CLEC16A: variants seen among roughly 807,000 people sequenced by gnomAD.
CLEC16A encodes the protein C-type lectin domain containing 16A, also known as protein CLEC16A.
Under a neutral mutation model 109.5 loss-of-function variants are expected in CLEC16A, and 51 were observed. That is an observed-to-expected ratio of 0.47 (90% confidence interval 0.37 to 0.59). CLEC16A has a LOEUF of 0.59. Ranked by LOEUF, CLEC16A falls within the 20% of genes least tolerant of loss-of-function variation. The probability of loss-of-function intolerance (pLI) is 0.00; values close to 1 mark genes in which losing one functional copy is unlikely to be tolerated. For missense variants in CLEC16A, 1,339 were observed against 1,394.0 expected (o/e 0.96, Z 0.63); for synonymous variants, 673 against 564.2 (o/e 1.19, Z -2.73).
chr16:11,047,463 A>G (rs2047695236), intron 17 of CLEC16A, 121 bp downstream of exon 17: 2 of 534,860 alleles, frequency 3.7e-6, no homozygotes, highest in African/African-American at 2.0e-5. Flanking sequence ...GCACAGATTG[A>G]TGGGGAAGCA....
chr16:11,030,454 T>G (rs1222485887), intron 13 of CLEC16A, among the ~76,000 whole-genome samples: 1 of 152,246 alleles, frequency 6.6e-6, no homozygotes, highest in Non-Finnish European at 1.5e-5. Context: ...TTTTTAGTTT[T>G]CACCATTCTA....
At chr16:10,968,557 T>C (rs2042625713) in intron 3 of CLEC16A, among the ~76,000 whole-genome samples, 1 of 152,182 alleles carries the variant, frequency 6.6e-6, no homozygotes, top group Non-Finnish European at 1.5e-5. Context: ...TGTGACTGTC[T>C]CTGTGCACGG....
chr16:11,146,556 G>A (rs980640850), intron 22 of CLEC16A, among the ~76,000 whole-genome samples: 12 of 149,974 alleles, frequency 8.0e-5, no homozygotes, highest in African/African-American at 3.0e-4. Context: ...ATAGAAGGAT[G>A]GAGGTGGAGG....
At chr16:11,082,777 A>C (rs956609704) in intron 19 of CLEC16A, among the ~76,000 whole-genome samples, 3 of 152,178 alleles carry the variant, frequency 2.0e-5, no homozygotes, top group African/African-American at 7.2e-5. Context: ...CCCTGAATAT[A>C]AAATTTTAAA....
chr16:11,100,650 C>T (rs776596025), intron 19 of CLEC16A, among the ~76,000 whole-genome samples: 1 of 152,092 alleles, frequency 6.6e-6, no homozygotes, highest in African/African-American at 2.4e-5. Context: ...AGTTACTGAC[C>T]CTCTCAGGGT....
At chr16:10,955,802 C>G (rs777344466) in intron 1 of CLEC16A, among the ~76,000 whole-genome samples, 2 of 152,138 alleles carry the variant, frequency 1.3e-5, no homozygotes, top group Non-Finnish European at 2.9e-5. Flanking sequence ...GGCAGGGTGT[C>G]AGGCACATGG....
chr16:11,141,246 C>T (rs1029428702), intron 22 of CLEC16A, among the ~76,000 whole-genome samples: 1 of 152,244 alleles, frequency 6.6e-6, no homozygotes, highest in Non-Finnish European at 1.5e-5. Context: ...GTTCTGAGCA[C>T]CTGCCCTGTT....
At chr16:10,981,070 C>A (rs1158431373) in intron 9 of CLEC16A, among the ~76,000 whole-genome samples, 1 of 152,296 alleles carries the variant, frequency 6.6e-6, no homozygotes, top group African/African-American at 2.4e-5. Context: ...CAGTTACTCA[C>A]CCTCCCTCTT....
rs116849053 is a variant in CLEC16A at position 11,155,853 on chromosome 16, C to G, written c.2642-10535C>G. ...GGAATGGGTCCACAGGCATGGTGCTCTCTGCCTTGGGTGCATACTAAGTAT... is the reference window on the plus strand; with the variant it reads ...GGAATGGGTCCACAGGCATGGTGCTGTCTGCCTTGGGTGCATACTAAGTAT... On this transcript the variant is annotated intron_variant, in intron 22 of 23. Transcript: ENST00000409790. Among the ~76,000 whole-genome samples the G allele has an allele frequency of 2.4e-4, 36 of 152,330 alleles. No individual in the cohort carries two copies. In the East Asian group the frequency reaches 6.6e-3, roughly 28 times the overall value.
chr16:11,044,371 C>G (rs150001550), intron 16 of CLEC16A: 2 of 265,108 alleles, frequency 7.5e-6, no homozygotes. Flanking sequence ...GAACTACGTA[C>G]GTATAAACAC....
chr16:10,971,499 G>T, intron 5 of CLEC16A: 1 of 968,506 alleles, frequency 1.0e-6, no homozygotes, highest in Non-Finnish European at 1.2e-6. Flanking sequence ...GATTCAGAGT[G>T]GCTATGTTTT....
intron 22 of CLEC16A, among the ~76,000 whole-genome samples, chr16:11,161,024 C>T (rs887933766): frequency 6.6e-6 from 1 of 152,168 alleles, no homozygotes; most frequent in East Asian, 1.9e-4. Flanking sequence ...TAACTGCAAC[C>T]GAAAGGGAGA....
intron 14 of CLEC16A, chr16:11,041,227 T>G (rs538140247): frequency 1.3e-5 from 2 of 152,332 alleles, no homozygotes; most frequent in South Asian, 4.1e-4. Flanking sequence ...TGCAATAGGT[T>G]TTTATAGAGA....
intron 9 of CLEC16A, 120 bp from the exon 10 acceptor site, chr16:10,982,758 A>G (rs559099235): frequency 3.3e-6 from 2 of 611,906 alleles, no homozygotes; most frequent in Admixed American, 2.7e-5. Flanking sequence ...TTTGCATCGT[A>G]GGAATTGCTG....
intron 18 of CLEC16A, among the ~76,000 whole-genome samples, chr16:11,052,513 A>G (rs1395195441): frequency 6.6e-6 from 1 of 152,156 alleles, no homozygotes; most frequent in Non-Finnish European, 1.5e-5. Flanking sequence ...GGGGGTGCAG[A>G]GGAAGTGGGA....
At chr16:11,005,158 G>A (rs1350421349) in intron 11 of CLEC16A, among the ~76,000 whole-genome samples, 1 of 152,240 alleles carries the variant, frequency 6.6e-6, no homozygotes, top group Non-Finnish European at 1.5e-5. Context: ...GTGACTAACA[G>A]TGGTGTGGAT....
intron 1 of CLEC16A, among the ~76,000 whole-genome samples, chr16:10,945,008 G>T (rs1323450553): frequency 6.6e-6 from 1 of 152,162 alleles, no homozygotes; most frequent in Admixed American, 6.5e-5. Flanking sequence ...TGGACAAGTC[G>T]CTTAATTTCT....
At chr16:11,077,704 G>A (rs1160596174) in intron 19 of CLEC16A, among the ~76,000 whole-genome samples, 1 of 152,212 alleles carries the variant, frequency 6.6e-6, no homozygotes, top group Non-Finnish European at 1.5e-5. Flanking sequence ...GAACTCTGGT[G>A]GAGGGTGTGA....
chr16:11,039,729 C>T (rs750345967), intron 13 of CLEC16A, 25 bp from the exon 14 acceptor site: 2 of 1,581,652 alleles, frequency 1.3e-6, no homozygotes, highest in South Asian at 2.3e-5. Flanking sequence ...GAGGCCTCCA[C>T]TTACATCCTT....
Sources: allele counts gnomAD v4.1 joint callset (sites outside exome capture counted in the v4.1 genomes callset), GRCh38; gene constraint gnomAD v4.1.1; transcripts MANE v1.5; gene names NCBI Gene and HGNC (gene_info 2026-07-23, HGNC 2026-07-21).